GANC: variants seen among roughly 807,000 people sequenced by gnomAD.
The protein encoded by GANC is neutral alpha-glucosidase C.
In GANC, 117 loss-of-function variants were observed where a neutral mutation model predicts 124.2. The observed-to-expected ratio is 0.94, with a 90% CI of 0.81 to 1.10. The LOEUF is 1.10. GANC is among the 50% of genes least tolerant of loss of function. The pLI is 0.00. For missense variants in GANC, 1,140 were observed against 1,095.0 expected (o/e 1.04, Z -0.58); for synonymous variants, 377 against 376.8 (o/e 1.00, Z -0.01).
Position 42,330,647 on chromosome 15 carries a change from T to G in GANC, c.1716T>G (p.Ser572=), listed in dbSNP as rs1157579370. The G allele has an allele frequency of 4.4e-6, 7 of 1,608,650 alleles. No homozygotes were observed. Among genetic ancestry groups the G allele is most frequent in the East Asian group, 2.2e-5 (1 of 44,772 alleles). Residue 572 remains serine, a synonymous_variant, in exon 15 of 24, where the codon TCT becomes TCG. Coordinates refer to ENST00000318010, the MANE Select transcript of GANC (RefSeq NM_198141.3). ...GKERPFVLTR[S]FFAGSQKYGA... is the part of the protein sequence containing the mutation. ...AGAGACCCTTTGTTCTTACACGTTC[T>G]TTCTTTGCTGGATCACAAAAGTATG... is the stretch of plus-strand genomic sequence containing the variant.
chr15:42,279,482 T>C (rs1319678732), intron 3 of GANC, among the ~76,000 whole-genome samples: 1 of 152,240 alleles, frequency 6.6e-6, no homozygotes, highest in African/African-American at 2.4e-5. Context: ...CCATAGTTTT[T>C]GCCTAGTGAG....
intron 21 of GANC, among the ~76,000 whole-genome samples, chr15:42,348,435 G>C (rs1172577987): frequency 2.0e-5 from 3 of 152,174 alleles, no homozygotes; most frequent in Non-Finnish European, 4.4e-5. Flanking sequence ...TTCCTCTTGG[G>C]CACTGTGAGT....
chr15:42,321,080 G>A (rs1285266736), intron 10 of GANC, among the ~76,000 whole-genome samples: 3 of 152,124 alleles, frequency 2.0e-5, no homozygotes, highest in Admixed American at 1.3e-4. Flanking sequence ...AGTCCTTCAC[G>A]TTATCAGTAA....
chr15:42,329,217 C>A, intron 13 of GANC, 89 bp from the exon 14 acceptor site: 1 of 1,308,386 alleles, frequency 7.6e-7, no homozygotes, highest in Non-Finnish European at 1.1e-6. Flanking sequence ...AGATAATAAA[C>A]ATAATTTTTA....
intron 10 of GANC, among the ~76,000 whole-genome samples, chr15:42,315,640 C>T (rs1403280862): frequency 6.6e-6 from 1 of 152,186 alleles, no homozygotes; most frequent in Non-Finnish European, 1.5e-5. Flanking sequence ...TTTTATGTGT[C>T]AATTTGACTA....
At chr15:42,307,846 C>T (rs941482114) in intron 7 of GANC, among the ~76,000 whole-genome samples, 2 of 152,062 alleles carry the variant, frequency 1.3e-5, no homozygotes, top group African/African-American at 4.8e-5. Flanking sequence ...ACTGAAAGTG[C>T]ACAATATCCT....
intron 19 of GANC, 22 bp downstream of exon 19, chr15:42,343,176 T>A (rs763482673): frequency 2.6e-5 from 41 of 1,589,108 alleles, no homozygotes; most frequent in Admixed American, 3.3e-5. Flanking sequence ...AACAGCCACA[T>A]ATCTGATATG....
Position 42,292,821 on chromosome 15 carries a change from T to A in GANC, c.416T>A (p.Phe139Tyr). Residue 139 changes from phenylalanine to tyrosine, a missense_variant, in exon 5 of 24, where the codon TTC (phenylalanine) becomes TAC (tyrosine). Phe to Tyr is a conservative substitution (Grantham distance 22). Coordinates refer to ENST00000318010, the MANE Select transcript of GANC (RefSeq NM_198141.3). ...DLKCHITANP[F>Y]KVDLVSEEEV... ...AAGTGCCATATCACAGCAAACCCATTCAAGGTAGACTTGGTGTCTGAAGAA... is the reference window on the plus strand; with the variant it reads ...AAGTGCCATATCACAGCAAACCCATACAAGGTAGACTTGGTGTCTGAAGAA... 1 of 1,614,152 alleles carries A rather than the reference T, an allele frequency of 6.2e-7. No individual in the cohort carries two copies. Among genetic ancestry groups the A allele is most frequent in the Non-Finnish European group, 8.5e-7 (1 of 1,179,996 alleles).
chr15:42,340,846 AACCTCCGCCTCCCG>A, intron 18 of GANC, 92 bp downstream of exon 18: 1 of 950,414 alleles, frequency 1.1e-6, no homozygotes, highest in Non-Finnish European at 1.6e-6. Context: ...GGCTCACTGC[AACCTCCGCCTCCCG>A]GTTTCAAGAA....
chr15:42,281,569 C>T (rs1215132239), intron 3 of GANC, among the ~76,000 whole-genome samples: 11 of 152,238 alleles, frequency 7.2e-5, no homozygotes, highest in Non-Finnish European at 2.9e-5. Context: ...CCTGTAATCC[C>T]AGCTACTCCA....
At chr15:42,349,165 G>A (rs1808582104) in intron 21 of GANC, among the ~76,000 whole-genome samples, 1 of 152,168 alleles carries the variant, frequency 6.6e-6, no homozygotes, top group South Asian at 2.1e-4. Flanking sequence ...TTTGAACAAA[G>A]CCTAACTCTT....
rs905199837 is a variant in GANC, at chr15:42,352,615, G to C, written c.*476G>C. ...CAGTTATCTTCCACCCACATGGACT[G>C]GGCAGAGCAGCCCTCTTCTGTGTGC... On this transcript the variant is annotated 3_prime_UTR_variant, in exon 24 of 24. Coordinates refer to ENST00000318010, the MANE Select transcript of GANC (RefSeq NM_198141.3). 1.0e-6 allele frequency: 1 copy of C among 1,000,950 alleles called. No homozygotes were observed. Among genetic ancestry groups the C allele is most frequent in the Admixed American group, 5.4e-5 (1 of 18,598 alleles). 62.0% of individuals were successfully genotyped at this position (1,000,950 alleles called of 1,614,324 possible). A position where few individuals can be genotyped will look rare whatever the true frequency, so the allele number is the denominator to read the frequency against.
intron 2 of GANC, among the ~76,000 whole-genome samples, 196 bp from the exon 3 acceptor site, chr15:42,278,286 T>G (rs1243012660): frequency 2.0e-5 from 3 of 152,244 alleles, no homozygotes; most frequent in Non-Finnish European, 4.4e-5. Context: ...ATTAGTATTC[T>G]TACTAATACT....
chr15:42,301,383 T>C (rs2051944531), intron 6 of GANC, among the ~76,000 whole-genome samples: 1 of 151,920 alleles, frequency 6.6e-6, no homozygotes, highest in Non-Finnish European at 1.5e-5. Context: ...GGAGATTCCC[T>C]CAGGTGCCTA....
At chr15:42,313,299 A>C (rs2052071153) in intron 10 of GANC, among the ~76,000 whole-genome samples, 1 of 152,200 alleles carries the variant, frequency 6.6e-6, no homozygotes, top group Non-Finnish European at 1.5e-5. Context: ...TCAGAAGAAA[A>C]CAGGTAAATC....
intron 10 of GANC, among the ~76,000 whole-genome samples, chr15:42,318,280 G>T (rs1465415492): frequency 2.0e-5 from 3 of 152,070 alleles, no homozygotes; most frequent in South Asian, 2.1e-4. Context: ...AGCATCTTCT[G>T]GTAGTTTCCT....
At chr15:42,349,622 C>T in intron 22 of GANC, 127 bp downstream of exon 22, 1 of 646,836 alleles carries the variant, frequency 1.5e-6, no homozygotes. Context: ...AAGGCCGTTT[C>T]CGGAATATTT....
chr15:42,308,717 C>T (rs758674534), intron 8 of GANC, among the ~76,000 whole-genome samples: 8 of 152,254 alleles, frequency 5.3e-5, no homozygotes, highest in African/African-American at 9.6e-5. Flanking sequence ...GAACTCCTGA[C>T]CTTGTGATTC....
rs773935519 is a variant in GANC, at chr15:42,351,421, C to T, written c.2624C>T (p.Thr875Ile). 6.2e-7 allele frequency: 1 copy of T among 1,610,892 alleles called. No individual in the cohort carries two copies. The highest frequency in any genetic ancestry group is 1.7e-5 in the Admixed American group (1 of 60,018). The change falls in exon 23 of 24, where the codon ACC (threonine) becomes ATC (isoleucine). Residue 875 changes from threonine (T) to isoleucine (I), a missense_variant. Transcript: ENST00000318010. ...AGGAAGGAGCCATCTTCTGTGACTA[C>T]CCACTCATCTGGTGAGAAAGCAGTC... is the stretch of plus-strand genomic sequence containing the variant. Reference protein sequence around the residue: ...GFRKEPSSVTTHSSDGKDQPV... With the variant: ...GFRKEPSSVTIHSSDGKDQPV...
Sources: gnomAD v4.1 joint callset for allele counts (sites outside exome capture counted in the v4.1 genomes callset) on GRCh38, gnomAD v4.1.1 for gene constraint, MANE v1.5 for transcripts, NCBI Gene and HGNC (gene_info 2026-07-23, HGNC 2026-07-21) for gene names.